The following CEP83 variants were observed in gnomAD, a reference collection of about 807,000 sequenced individuals.
The protein encoded by CEP83 is centrosomal protein of 83 kDa.
In CEP83, 70 loss-of-function variants were observed where a neutral mutation model predicts 101.9. That is an observed-to-expected ratio of 0.69 (90% CI 0.57 to 0.84). The LOEUF is 0.84. CEP83 is among the 40% of genes least tolerant of loss of function. CEP83 has a pLI of 0.00. For missense variants in CEP83, 715 were observed against 787.2 expected, an observed-to-expected ratio of 0.91 and a Z score of 1.10; for synonymous variants, 264 against 267.9, an observed-to-expected ratio of 0.99 and a Z score of 0.14.
At chr12:94,449,603 G>A (rs1171103875) in intron 1 of CEP83, among the ~76,000 whole-genome samples, 467 of 114,002 alleles carry the variant, frequency 4.1e-3, no homozygotes, top group Non-Finnish European at 6.6e-3. Context: ...AAAAAATACC[G>A]AAAAAAAAAA....
intron 14 of CEP83, among the ~76,000 whole-genome samples, chr12:94,323,905 G>C (rs1565910316): frequency 6.6e-6 from 1 of 152,182 alleles, no homozygotes; most frequent in Non-Finnish European, 1.5e-5. Context: ...AATGGGTACT[G>C]AATGTTGTCA....
At chr12:94,424,398 T>C (rs2065024589) in intron 2 of CEP83, 2 of 1,614,028 alleles carry the variant, frequency 1.2e-6, no homozygotes, top group Admixed American at 3.3e-5. Flanking sequence ...TGGGTGATGA[T>C]GGCTTCACAC....
chr12:94,332,857 G>A (rs1461663167), intron 13 of CEP83, among the ~76,000 whole-genome samples: 2 of 151,850 alleles, frequency 1.3e-5, no homozygotes, highest in African/African-American at 4.8e-5. Flanking sequence ...ATAATGTTTT[G>A]TAGATTAAAA....
At chr12:94,418,845 A>C (rs370798967) in intron 2 of CEP83, among the ~76,000 whole-genome samples, 1 of 152,230 alleles carries the variant, frequency 6.6e-6, no homozygotes, top group African/African-American at 2.4e-5. Context: ...AGAGAAAAAT[A>C]AACCTAGCAA....
chr12:94,324,726 T>C (rs1206556676), intron 14 of CEP83, among the ~76,000 whole-genome samples: 1 of 152,254 alleles, frequency 6.6e-6, no homozygotes, highest in Non-Finnish European at 1.5e-5. Context: ...ATTGTTATTG[T>C]ATTTTTTTAG....
intron 1 of CEP83, among the ~76,000 whole-genome samples, chr12:94,437,446 A>G (rs930500083): frequency 6.6e-6 from 1 of 152,368 alleles, no homozygotes; most frequent in South Asian, 2.1e-4. Context: ...GGTTATCTAA[A>G]GTCAAGACAA....
chr12:94,426,525 C>T (rs776062616), intron 2 of CEP83, among the ~76,000 whole-genome samples: 1 of 152,180 alleles, frequency 6.6e-6, no homozygotes, highest in Non-Finnish European at 1.5e-5. Flanking sequence ...AAATAATGTG[C>T]TCACCATTCT....
intron 14 of CEP83, among the ~76,000 whole-genome samples, chr12:94,320,629 G>C (rs2058707742): frequency 6.6e-6 from 1 of 152,108 alleles, no homozygotes; most frequent in Non-Finnish European, 1.5e-5. Flanking sequence ...ATCTAAAAAG[G>C]ATCTTATTTC....
At chr12:94,362,936 A>G (rs1299559729) in intron 11 of CEP83, among the ~76,000 whole-genome samples, 1 of 152,256 alleles carries the variant, frequency 6.6e-6, no homozygotes, top group African/African-American at 2.4e-5. Context: ...CAGGCACACA[A>G]AGATATATAC....
the CEP83 span, among the ~76,000 whole-genome samples, chr12:94,281,344 C>T: frequency 6.6e-6 from 1 of 152,192 alleles, no homozygotes; most frequent in South Asian, 2.1e-4. Context: ...GCTTGGAGCT[C>T]TTACAGCAGA....
chr12:94,459,165 T>G (rs1205151358), intron 1 of CEP83, among the ~76,000 whole-genome samples: 1 of 152,214 alleles, frequency 6.6e-6, no homozygotes, highest in East Asian at 1.9e-4. Context: ...TGGTCAAAAG[T>G]TGGACACTGA....
the CEP83 span, chr12:94,276,876 A>C: frequency 6.6e-6 from 1 of 152,128 alleles, no homozygotes; most frequent in Non-Finnish European, 1.5e-5. Context: ...CAGGCAAGGG[A>C]GTGACTCTGT....
the CEP83 span, among the ~76,000 whole-genome samples, chr12:94,273,057 T>C: frequency 3.9e-5 from 6 of 152,226 alleles, no homozygotes; most frequent in Admixed American, 6.5e-5. Flanking sequence ...GACATGCTTC[T>C]AAATCTCTCT....
intron 2 of CEP83, among the ~76,000 whole-genome samples, chr12:94,418,636 A>C (rs978678135): frequency 1.3e-5 from 2 of 152,192 alleles, no homozygotes; most frequent in African/African-American, 4.8e-5. Flanking sequence ...AGGTAGGCTG[A>C]TGATTTCCAG....
At chr12:94,321,138 A>AT (rs1402502184) in intron 14 of CEP83, among the ~76,000 whole-genome samples, 1 of 152,104 alleles carries the variant, frequency 6.6e-6, no homozygotes. Context: ...AAGTTCTGAA[A>AT]TTATTCAGCT....
the CEP83 span, chr12:94,298,862 CATAG>C: frequency 7.2e-7 from 1 of 1,383,584 alleles, no homozygotes. Flanking sequence ...AAAAGAAAGA[CATAG>C]ATAGTTATAG....
At chr12:94,396,893 T>A (rs1427646672) in intron 6 of CEP83, among the ~76,000 whole-genome samples, 1 of 152,230 alleles carries the variant, frequency 6.6e-6, no homozygotes, top group Non-Finnish European at 1.5e-5. Context: ...ATGACAAGAT[T>A]CAGCTCTACT....
the CEP83 span, among the ~76,000 whole-genome samples, chr12:94,288,197 A>T: frequency 6.6e-6 from 1 of 152,186 alleles, no homozygotes; most frequent in Non-Finnish European, 1.5e-5. Flanking sequence ...TTCTCTTAAA[A>T]TCCCAGGGTG....
At chr12:94,424,341 A>G (rs1056998004) in intron 2 of CEP83, 2 of 1,614,036 alleles carry the variant, frequency 1.2e-6, no homozygotes, top group Non-Finnish European at 1.7e-6. Flanking sequence ...AAGGGATCGG[A>G]TGGGGCTGGT....
Sources: allele counts gnomAD v4.1 joint callset (sites outside exome capture counted in the v4.1 genomes callset), GRCh38; gene constraint gnomAD v4.1.1; transcripts MANE v1.5; gene names NCBI Gene and HGNC (gene_info 2026-07-23, HGNC 2026-07-21).